The following SIPA1L3 variants were observed in gnomAD, a reference collection of about 807,000 sequenced individuals.
SIPA1L3 encodes the protein signal induced proliferation associated 1 like 3.
Under a neutral mutation model 150.1 loss-of-function variants are expected in SIPA1L3, and 59 were observed. The ratio of observed to expected loss-of-function variants is 0.39; its 90% CI spans 0.32 to 0.49. The LOEUF (loss-of-function observed/expected upper bound fraction) is 0.49, where lower values mean the gene tolerates loss of function less well. Ranked by LOEUF, SIPA1L3 falls within the 20% of genes least tolerant of loss-of-function variation. SIPA1L3 has a pLI of 0.86. For synonymous variants in SIPA1L3, 1,070 were observed against 1,077.6 expected (o/e 0.99, Z 0.14); for missense variants, 2,211 against 2,489.5 (o/e 0.89, Z 2.38).
intron 8 of SIPA1L3, among the ~76,000 whole-genome samples, chr19:38,114,456 C>G (rs1970836077): frequency 6.6e-6 from 1 of 150,742 alleles, no homozygotes. Context: ...TTGCAAAGCT[C>G]TTCATCTCTG....
At chr19:38,028,530 C>T (rs973196004) in intron 1 of SIPA1L3, among the ~76,000 whole-genome samples, 2 of 152,120 alleles carry the variant, frequency 1.3e-5, no homozygotes, top group African/African-American at 2.4e-5. Flanking sequence ...GGCGTCACCC[C>T]GCTAGGTTTC....
At chr19:38,194,372 C>T (rs1228902609) in intron 18 of SIPA1L3, among the ~76,000 whole-genome samples, 1 of 150,364 alleles carries the variant, frequency 6.7e-6, no homozygotes, top group Non-Finnish European at 1.5e-5. Context: ...CCTCCTAACC[C>T]CCCCACAACT....
chr19:38,127,958 T>C (rs565052869), intron 9 of SIPA1L3, among the ~76,000 whole-genome samples: 2 of 151,674 alleles, frequency 1.3e-5, no homozygotes, highest in African/African-American at 4.8e-5. Flanking sequence ...TACCCGCAGG[T>C]TCTGTATCTG....
At chr19:37,962,533 A>G (rs1316725911) in intron 1 of SIPA1L3, among the ~76,000 whole-genome samples, 5 of 134,690 alleles carry the variant, frequency 3.7e-5, no homozygotes, top group African/African-American at 1.4e-4. Flanking sequence ...CAGTGGCAGG[A>G]TCATGGCTCT....
chr19:38,183,965 C>G (rs893227189), intron 16 of SIPA1L3, among the ~76,000 whole-genome samples: 7 of 152,122 alleles, frequency 4.6e-5, no homozygotes, highest in Non-Finnish European at 1.5e-5. Context: ...AATTGAGGAG[C>G]TGCGTGAGCA....
At chr19:37,988,257 G>A (rs1912544570) in intron 1 of SIPA1L3, among the ~76,000 whole-genome samples, 1 of 152,206 alleles carries the variant, frequency 6.6e-6, no homozygotes, top group Admixed American at 6.5e-5. Context: ...AGTGGCTCAC[G>A]CCTGTAATCC....
intron 1 of SIPA1L3, among the ~76,000 whole-genome samples, chr19:38,006,967 C>T (rs777898351): frequency 3.3e-5 from 5 of 152,108 alleles, no homozygotes; most frequent in South Asian, 2.1e-4. Flanking sequence ...ACCATGCGGC[C>T]GGGAAGGTAG....
At chr19:38,130,922 G>A in intron 10 of SIPA1L3, 150 bp downstream of exon 10, 2 of 798,590 alleles carry the variant, frequency 2.5e-6, no homozygotes, top group East Asian at 5.4e-5. Context: ...GACAGGACGG[G>A]GAGGGCACAT....
At chr19:37,996,548 G>T (rs62120139) in intron 1 of SIPA1L3, among the ~76,000 whole-genome samples, 1 of 152,046 alleles carries the variant, frequency 6.6e-6, no homozygotes, top group East Asian at 1.9e-4. Flanking sequence ...TACTCTCTCA[G>T]CCATTTTGAA....
At chr19:38,086,287 C>T (rs1319862622) in intron 3 of SIPA1L3, among the ~76,000 whole-genome samples, 1 of 151,762 alleles carries the variant, frequency 6.6e-6, no homozygotes, top group African/African-American at 2.4e-5. Context: ...CATTAAAATA[C>T]TTAGTTCTTT....
chr19:37,985,283 A>T (rs1396131899), intron 1 of SIPA1L3, among the ~76,000 whole-genome samples: 1 of 150,778 alleles, frequency 6.6e-6, no homozygotes, highest in Non-Finnish European at 1.5e-5. Flanking sequence ...TGCAGCCTCA[A>T]CCTCTCTAGC....
rs778696878 is a variant in SIPA1L3 at position 38,119,654 on chromosome 19, C to T, written c.2640C>T (p.Tyr880=). ...CCTGGAGGGTGGTGGCCCAGGACTA[C>T]GCCCAGGGGGTGGAAATCGACTGCA... The part of the protein sequence containing the change: ...AIAWRVVAQD[Y]AQGVEIDCIL... Residue 880 remains tyrosine (Y), a synonymous_variant, in exon 9 of 22, where the codon TAC becomes TAT. Coordinates refer to ENST00000222345, the MANE Select transcript of SIPA1L3 (RefSeq NM_015073.3). The T allele has an allele frequency of 1.3e-4, 209 of 1,614,188 alleles. No individual in the cohort carries two copies. In the Middle Eastern group the frequency reaches 1.6e-3, roughly 13 times the overall value.
chr19:38,025,075 G>C (rs1317689747), intron 1 of SIPA1L3, among the ~76,000 whole-genome samples: 1 of 152,116 alleles, frequency 6.6e-6, no homozygotes, highest in Non-Finnish European at 1.5e-5. Context: ...GTCCTCAGCA[G>C]TCCCCCTGCC....
chr19:38,043,169 A>G lies in SIPA1L3; in HGVS notation c.-311+14013A>G, dbSNP rs1323239214. Reference sequence around the variant, plus strand: ...AGCCTGGCCAACATGGTGAAACCCCATCTCTACTAAAAATACAAAAATTAG... The same window carrying G: ...AGCCTGGCCAACATGGTGAAACCCCGTCTCTACTAAAAATACAAAAATTAG... On this transcript the variant is annotated intron_variant, in intron 2 of 21. Coordinates refer to ENST00000222345, the MANE Select transcript of SIPA1L3 (RefSeq NM_015073.3). Among the ~76,000 whole-genome samples the G allele has an allele frequency of 3.3e-5, 5 of 151,978 alleles. No homozygotes were observed. In the East Asian group the frequency reaches 5.8e-4, roughly 18 times the overall value.
At position 38,081,547 on chromosome 19, in the gene SIPA1L3, A is replaced by C. The variant is rs1026490969; in HGVS notation, c.-19A>C. 3.1e-5 allele frequency: 48 copies of C among 1,556,108 alleles called. No individual in the cohort carries two copies. The highest frequency in any genetic ancestry group is 4.2e-5 in the Non-Finnish European group (48 of 1,147,702). On this transcript the variant is annotated 5_prime_UTR_variant, in exon 3 of 22. Transcript: ENST00000222345. The stretch of plus-strand genomic sequence containing the variant: ...CACCACAGCGTACGGGGCCAGCAGC[A>C]CTCCAGTGCCCGTGGACTATGACCA...
chr19:38,195,692 C>T (rs1972906173), intron 18 of SIPA1L3, among the ~76,000 whole-genome samples: 1 of 151,624 alleles, frequency 6.6e-6, no homozygotes, highest in Non-Finnish European at 1.5e-5. Flanking sequence ...ATTCCTCCAG[C>T]TTGCTGTACC....
At chr19:37,951,233 TTC>T (rs2145553244) in intron 1 of SIPA1L3, among the ~76,000 whole-genome samples, 1 of 152,374 alleles carries the variant, frequency 6.6e-6, no homozygotes, top group Non-Finnish European at 1.5e-5. Flanking sequence ...CCAGAGATTC[TTC>T]TTAGGAAATA....
At chr19:37,916,315 C>G (rs1376194863) in intron 1 of SIPA1L3, among the ~76,000 whole-genome samples, 1 of 151,930 alleles carries the variant, frequency 6.6e-6, no homozygotes, top group Non-Finnish European at 1.5e-5. Flanking sequence ...ACGTGAGCCA[C>G]CGCATCTGAC....
intron 2 of SIPA1L3, among the ~76,000 whole-genome samples, chr19:38,067,447 C>T (rs1357298806): frequency 6.6e-6 from 1 of 152,028 alleles, no homozygotes; most frequent in Admixed American, 6.6e-5. Flanking sequence ...CTTCTGGATG[C>T]TGGAGGAGAT....
Sources: allele counts gnomAD v4.1 joint callset (sites outside exome capture counted in the v4.1 genomes callset), GRCh38; gene constraint gnomAD v4.1.1; transcripts MANE v1.5; gene names NCBI Gene and HGNC (gene_info 2026-07-23, HGNC 2026-07-21).